The following NBPF8 variants were observed in gnomAD, a reference collection of about 807,000 sequenced individuals.
NBPF8 encodes the protein NBPF family member NBPF8.
chr1:120,466,236 G>A lies in NBPF8; in HGVS notation n.3827G>A, dbSNP rs1553250827. 1.2e-4 allele frequency: 192 copies of A among 1,606,976 alleles called. 1 individual carries two copies. In the African/African-American group the frequency reaches 2.2e-3, roughly 19 times the overall value. On this transcript the variant is annotated non_coding_transcript_exon_variant, in exon 25 of 25. Transcript: ENST00000583271. ...TCCCACAATAAGCAGCCCTTACTAAGCCGAGAGGTGTCATTCCTGCAGGCA... is the reference window on the plus strand; with the variant it reads ...TCCCACAATAAGCAGCCCTTACTAAACCGAGAGGTGTCATTCCTGCAGGCA...
chr1:120,454,119 C>T lies in NBPF8; in HGVS notation n.2568+5C>T. 6.2e-7 allele frequency: 1 copy of T among 1,612,380 alleles called. No individual in the cohort carries two copies. The highest frequency in any genetic ancestry group is 8.5e-7 in the Non-Finnish European group (1 of 1,179,684). On this transcript the variant is annotated splice_donor_5th_base_variant and intron_variant and non_coding_transcript_variant, in intron 15 of 24. Transcript: ENST00000583271. ...ATGCTGTACACATTATTCCAGGTAG[C>T]CTCTGTTTTCCTTGTGTCTCATACC...
chr1:120,466,260 C>T, exon 25 of NBPF8: 2 of 1,604,296 alleles, frequency 1.2e-6, no homozygotes, highest in Non-Finnish European at 1.7e-6. Flanking sequence ...TTCCTGCAGG[C>T]AGGACCTATA....
At chr1:120,416,068 G>A (rs1660429836), upstream of NBPF8, among the ~76,000 whole-genome samples, 6 of 152,248 alleles carry the variant, frequency 3.9e-5, no homozygotes, top group South Asian at 2.1e-4. Flanking sequence ...TTTCTTTGCC[G>A]AAAGAATGAA....
upstream of NBPF8, among the ~76,000 whole-genome samples, chr1:120,435,841 G>A (rs1661058109): frequency 6.6e-6 from 1 of 151,498 alleles, no homozygotes; most frequent in Non-Finnish European, 1.5e-5. Context: ...ACTCCAGCCT[G>A]GGAGACAGAG....
At chr1:120,462,492 G>A (rs1258123190) in intron 20 of NBPF8, among the ~76,000 whole-genome samples, 11 of 124,858 alleles carry the variant, frequency 8.8e-5, no homozygotes, top group East Asian at 2.8e-4. Context: ...ATCACTGTTC[G>A]CTGTGTGTCC....
At chr1:120,463,128 G>A (rs1388516816) in intron 21 of NBPF8, among the ~76,000 whole-genome samples, 162 bp downstream of exon 19, 16 of 151,672 alleles carry the variant, frequency 1.1e-4, no homozygotes, top group Non-Finnish European at 2.2e-4. Flanking sequence ...TCAGCTGGAA[G>A]CCTAGACATG....
At position 120,452,076 on chromosome 1, in the gene NBPF8, A is replaced by G. The variant is rs1311615035; in HGVS notation, n.2075-41A>G. On this transcript the variant is annotated intron_variant and non_coding_transcript_variant, in intron 12 of 24. Coordinates refer to ENST00000583271, the Ensembl canonical transcript of NBPF8. ...TTGCAATATTTGAGCGGATCACTCAACCCTTTCCACTCTTAAATTTTCTCT... is the reference window on the plus strand; with the variant it reads ...TTGCAATATTTGAGCGGATCACTCAGCCCTTTCCACTCTTAAATTTTCTCT... The G allele has an allele frequency of 6.8e-4, 976 of 1,429,894 alleles. 14 individuals carry two copies. In the South Asian group the frequency reaches 0.011, roughly 16 times the overall value. The allele number at this position is 1,429,894 out of a possible 1,614,324, so 88.6% of individuals were successfully genotyped here.
chr1:120,462,397 G>T (rs1397514166), intron 20 of NBPF8, among the ~76,000 whole-genome samples, 200 bp downstream of exon 18: 3 of 147,968 alleles, frequency 2.0e-5, no homozygotes, highest in African/African-American at 7.6e-5. Flanking sequence ...CTTACTATAG[G>T]TTGACCATAC....
At chr1:120,423,207 G>C (rs1660619934) in intron 1 of NBPF8, among the ~76,000 whole-genome samples, 2 of 131,644 alleles carry the variant, frequency 1.5e-5, no homozygotes, top group African/African-American at 7.0e-5. Flanking sequence ...TTGAACCCAG[G>C]ATCCCTCAGA....
chr1:120,461,188 T>C (rs1661579789), intron 18 of NBPF8, 66 bp from the exon 17 acceptor site: 1 of 606,318 alleles, frequency 1.6e-6, no homozygotes, highest in South Asian at 1.5e-5. Context: ...AGCCATGAAA[T>C]CTAGCTGGGG....
At chr1:120,463,202 G>A (rs1396516966) in intron 21 of NBPF8, among the ~76,000 whole-genome samples, 2 of 145,676 alleles carry the variant, frequency 1.4e-5, no homozygotes, top group African/African-American at 5.1e-5. Context: ...ACCTGAGCCC[G>A]CTCTCAGCAC....
chr1:120,455,233 G>A (rs1478600138), intron 15 of NBPF8, among the ~76,000 whole-genome samples, 176 bp from the exon 14 acceptor site: 1 of 152,092 alleles, frequency 6.6e-6, no homozygotes, highest in Non-Finnish European at 1.5e-5. Flanking sequence ...GGTCTGGAAA[G>A]CAGGGTCATC....
chr1:120,415,612 G>A (rs1660413385), upstream of NBPF8, among the ~76,000 whole-genome samples: 1 of 152,106 alleles, frequency 6.6e-6, no homozygotes, highest in African/African-American at 2.4e-5. Context: ...CCCCACCCTC[G>A]AGGCCAGAAA....
downstream of NBPF8, among the ~76,000 whole-genome samples, chr1:120,469,413 T>C (rs1233782142): frequency 2.9e-5 from 4 of 137,822 alleles, no homozygotes; most frequent in African/African-American, 1.1e-4. Context: ...GTTAATCGTA[T>C]CTGAAAGACT....
At chr1:120,434,252 C>T (rs1661000875), upstream of NBPF8, among the ~76,000 whole-genome samples, 1 of 143,764 alleles carries the variant, frequency 7.0e-6, no homozygotes, top group Non-Finnish European at 1.5e-5. Context: ...TATATATACA[C>T]GTGTTATATA....
intron 11 of NBPF8, among the ~76,000 whole-genome samples, chr1:120,450,905 GGACTGT>G (rs1661250334): frequency 6.6e-6 from 1 of 151,668 alleles, no homozygotes; most frequent in Non-Finnish European, 1.5e-5. Context: ...CAGACCTCAG[GGACTGT>G]GAATTCTGAC....
intron 3 of NBPF8, among the ~76,000 whole-genome samples, chr1:120,428,210 C>CATGAA (rs1660775342): frequency 2.6e-5 from 4 of 152,114 alleles, no homozygotes; most frequent in African/African-American, 4.8e-5. Context: ...AACAGATGGT[C>CATGAA]ATAGAATTGG....
At chr1:120,449,166 T>C (rs1168797856) in intron 10 of NBPF8, 27 bp from the exon 9 acceptor site, 3 of 978,798 alleles carry the variant, frequency 3.1e-6, no homozygotes, top group South Asian at 2.6e-5. Flanking sequence ...TTTTAACCCA[T>C]CATGTGTTTG....
chr1:120,462,995 C>T (rs1304638603), intron 21 of NBPF8, 29 bp downstream of exon 19: 2 of 582,088 alleles, frequency 3.4e-6, no homozygotes, highest in African/African-American at 4.1e-5. Context: ...AGGTGATAAG[C>T]CTCCACCTGG....
Sources: gnomAD v4.1 joint callset for allele counts (sites outside exome capture counted in the v4.1 genomes callset) on GRCh38, gnomAD v4.1.1 for gene constraint, MANE v1.5 for transcripts, NCBI Gene and HGNC (gene_info 2026-07-23, HGNC 2026-07-21) for gene names.